The following PDE12 variants were observed in gnomAD, a reference collection of about 807,000 sequenced individuals.
PDE12 encodes phosphodiesterase 12.
In PDE12, 26 loss-of-function variants were observed where a neutral mutation model predicts 45.4. The ratio of observed to expected loss-of-function variants is 0.57; its 90% CI spans 0.42 to 0.79. PDE12 has a LOEUF of 0.79. Among genes scored for constraint, PDE12 ranks in the 30% least tolerant of loss-of-function variants. The pLI is 0.00. For synonymous variants in PDE12, 283 were observed against 323.9 expected, an observed-to-expected ratio of 0.87 and a Z score of 1.36; for missense variants, 668 against 790.0, an observed-to-expected ratio of 0.85 and a Z score of 1.85.
chr3:57,579,692 G>T, the PDE12 span, among the ~76,000 whole-genome samples: 2 of 152,080 alleles, frequency 1.3e-5, no homozygotes, highest in African/African-American at 4.8e-5. Flanking sequence ...AATTTCCTTT[G>T]TTTTAGCAAA....
At chr3:57,572,104 C>CA in the PDE12 span, 46 of 821,764 alleles carry the variant, frequency 5.6e-5, no homozygotes, top group South Asian at 6.6e-4. Context: ...ATATTCTGCC[C>CA]AAACCAGTCC....
At chr3:57,643,411 T>TC in the PDE12 span, among the ~76,000 whole-genome samples, 28 of 151,636 alleles carry the variant, frequency 1.8e-4, no homozygotes, top group African/African-American at 6.3e-4. Context: ...AACATCCCCC[T>TC]CCCCCCACAA....
At chr3:57,588,126 G>A in the PDE12 span, among the ~76,000 whole-genome samples, 1 of 152,134 alleles carries the variant, frequency 6.6e-6, no homozygotes, top group Non-Finnish European at 1.5e-5. Flanking sequence ...GCCAAGATAA[G>A]ACTAATCTGT....
the PDE12 span, chr3:57,646,509 T>C: frequency 6.6e-7 from 1 of 1,504,284 alleles, no homozygotes; most frequent in Non-Finnish European, 8.9e-7. Context: ...CTACATAATC[T>C]TTCTAAAAAC....
chr3:57,604,203 G>A, the PDE12 span, among the ~76,000 whole-genome samples: 2 of 152,098 alleles, frequency 1.3e-5, no homozygotes, highest in Non-Finnish European at 2.9e-5. Flanking sequence ...ATACAGGCAT[G>A]AGCCACCACA....
At chr3:57,573,771 A>G in the PDE12 span, among the ~76,000 whole-genome samples, 1 of 152,034 alleles carries the variant, frequency 6.6e-6, no homozygotes, top group African/African-American at 2.4e-5. Flanking sequence ...TAGTAGAGAC[A>G]GAGTTTTACC....
At chr3:57,647,372 G>A in the PDE12 span, among the ~76,000 whole-genome samples, 1 of 152,138 alleles carries the variant, frequency 6.6e-6, no homozygotes, top group African/African-American at 2.4e-5. Flanking sequence ...CAGTCCTAAA[G>A]CAGAACATGG....
chr3:57,637,718 T>G, the PDE12 span, among the ~76,000 whole-genome samples: 1 of 137,230 alleles, frequency 7.3e-6, no homozygotes, highest in Non-Finnish European at 1.5e-5. Context: ...ATTTCATGAC[T>G]ATGACACCAA....
chr3:57,628,131 G>C, the PDE12 span: 5 of 1,536,356 alleles, frequency 3.3e-6, no homozygotes, highest in Non-Finnish European at 4.4e-6. Context: ...CTGCCACTGA[G>C]AGATCTCCTT....
At chr3:57,592,606 C>T in the PDE12 span, among the ~76,000 whole-genome samples, 7 of 152,160 alleles carry the variant, frequency 4.6e-5, no homozygotes, top group Admixed American at 1.3e-4. Context: ...GAAACATCTA[C>T]ATTTTTATCA....
chr3:57,614,533 T>C, the PDE12 span, among the ~76,000 whole-genome samples: 2 of 130,280 alleles, frequency 1.5e-5, no homozygotes, highest in African/African-American at 5.8e-5. Context: ...GTTTTTTTTT[T>C]TTTGTTTTTT....
chr3:57,629,547 T>C, the PDE12 span, among the ~76,000 whole-genome samples: 1 of 145,422 alleles, frequency 6.9e-6, no homozygotes, highest in African/African-American at 2.5e-5. Context: ...AGTCTCGCTC[T>C]GTCGCCCAGG....
At chr3:57,617,383 G>A in the PDE12 span, among the ~76,000 whole-genome samples, 1 of 152,076 alleles carries the variant, frequency 6.6e-6, no homozygotes, top group Non-Finnish European at 1.5e-5. Context: ...CAGCCTGGGT[G>A]ACAAAGCAAG....
the PDE12 span, among the ~76,000 whole-genome samples, chr3:57,622,439 G>T: frequency 6.6e-6 from 1 of 152,086 alleles, no homozygotes; most frequent in East Asian, 1.9e-4. Context: ...ATGTTAGTTG[G>T]GACATGGAAC....
the PDE12 span, among the ~76,000 whole-genome samples, chr3:57,606,991 T>C: frequency 6.6e-6 from 1 of 151,986 alleles, no homozygotes; most frequent in Non-Finnish European, 1.5e-5. Flanking sequence ...CTCGGAGGCA[T>C]CCCCCAGTAG....
chr3:57,640,445 TAGC>T, the PDE12 span, among the ~76,000 whole-genome samples: 1 of 151,200 alleles, frequency 6.6e-6, no homozygotes, highest in Admixed American at 6.6e-5. Flanking sequence ...ATACAAAAAT[TAGC>T]CGGGCAAGGA....
the PDE12 span, among the ~76,000 whole-genome samples, chr3:57,608,424 T>C: frequency 6.6e-6 from 1 of 152,080 alleles, no homozygotes; most frequent in African/African-American, 2.4e-5. Context: ...AATGCTCCAA[T>C]TAAAAGACAC....
chr3:57,646,211 G>A, the PDE12 span: 2 of 1,454,304 alleles, frequency 1.4e-6, no homozygotes, highest in South Asian at 2.8e-5. Flanking sequence ...GCAATAATGG[G>A]TGGGGAAAAA....
the PDE12 span, chr3:57,584,183 G>T: frequency 1.4e-6 from 1 of 699,910 alleles, no homozygotes; most frequent in South Asian, 2.0e-5. Flanking sequence ...GGCTGGTCTT[G>T]AACTCCTGGG....
Sources: gnomAD v4.1 joint callset for allele counts (sites outside exome capture counted in the v4.1 genomes callset) on GRCh38, gnomAD v4.1.1 for gene constraint, MANE v1.5 for transcripts, NCBI Gene and HGNC (gene_info 2026-07-23, HGNC 2026-07-21) for gene names.